Variants in DMGDH observed in about 807,000 individuals in gnomAD.
DMGDH encodes dimethylglycine dehydrogenase, mitochondrial.
A neutral mutation model predicts 95.2 loss-of-function variants in DMGDH; 76 were observed. The observed-to-expected ratio is 0.80, with a 90% CI of 0.66 to 0.97. The LOEUF (loss-of-function observed/expected upper bound fraction) is 0.97. Ranked by LOEUF, DMGDH falls within the 50% of genes least tolerant of loss-of-function variation. The probability of loss-of-function intolerance (pLI) is 0.00; values close to 1 mark genes in which losing one functional copy is unlikely to be tolerated. For missense variants in DMGDH, 987 were observed against 1,055.0 expected (o/e 0.94, Z 0.89); for synonymous variants, 345 against 377.6 (o/e 0.91, Z 1.00).
intron 4 of DMGDH, among the ~76,000 whole-genome samples, chr5:79,053,560 A>G (rs994630477): frequency 6.7e-6 from 1 of 149,874 alleles, no homozygotes; most frequent in African/African-American, 2.5e-5. Flanking sequence ...GAAATTATGC[A>G]TGTAAGGACT....
Position 79,020,789 on chromosome 5 carries a change from G to A in DMGDH, c.2250+3482C>T, listed in dbSNP as rs1251758950. On this transcript the variant is annotated intron_variant, in intron 14 of 15. Transcript: ENST00000255189. Reference sequence around the variant, plus strand: ...AGAAGGAGAGAGTGAGAAAAAGAGGGAGAAACATATTATAGAAAACAAATT... The same window carrying A: ...AGAAGGAGAGAGTGAGAAAAAGAGGAAGAAACATATTATAGAAAACAAATT... 13 of 985,030 alleles carry A rather than the reference G, an allele frequency of 1.3e-5. No individual in the cohort carries two copies. The South Asian group carries it at 3.3e-4, about 25-fold the overall frequency. The allele number at this position is 985,030 out of a possible 1,614,324, so 61.0% of individuals were successfully genotyped here.
chr5:79,030,968 C>T lies in DMGDH; in HGVS notation c.1548G>A (p.Glu516=), dbSNP rs753240801. Residue 516 remains glutamate (E), a synonymous_variant, in exon 10 of 16, where the codon GAG becomes GAA. Transcript: ENST00000255189. ...CCTGTTTATACTCCGAGCCCACAGG[C>T]TCAAACCAGTTTGTGCGGCGAAAAC... ...RPSFRRTNWF[E]PVGSEYKQVM... 1 of 1,613,480 alleles carries T rather than the reference C, an allele frequency of 6.2e-7. No homozygotes were observed. Among genetic ancestry groups the T allele is most frequent in the Non-Finnish European group, 8.5e-7 (1 of 1,179,768 alleles).
chr5:79,054,400 C>T, intron 3 of DMGDH, 52 bp from the exon 4 acceptor site: 2 of 1,568,958 alleles, frequency 1.3e-6, no homozygotes, highest in Non-Finnish European at 1.8e-6. Flanking sequence ...GTTTGGTACT[C>T]AAACATGGTT....
intron 4 of DMGDH, among the ~76,000 whole-genome samples, chr5:79,052,967 C>G (rs1248433226): frequency 1.3e-5 from 2 of 152,148 alleles, no homozygotes; most frequent in African/African-American, 4.8e-5. Flanking sequence ...GTTTCCCCAA[C>G]AGCCCCATCT....
intron 1 of DMGDH, among the ~76,000 whole-genome samples, chr5:79,064,908 C>A (rs1199708715): frequency 6.6e-6 from 1 of 152,162 alleles, no homozygotes; most frequent in Non-Finnish European, 1.5e-5. Flanking sequence ...CACCACCACA[C>A]CCAGCTAATT....
At chr5:79,041,975 G>C (rs1313937568) in intron 7 of DMGDH, among the ~76,000 whole-genome samples, 1 of 152,062 alleles carries the variant, frequency 6.6e-6, no homozygotes, top group African/African-American at 2.4e-5. Context: ...ACTCTAGCCT[G>C]GGCAACGAGA....
chr5:79,028,744 G>A, intron 11 of DMGDH, 94 bp from the exon 12 acceptor site: 1 of 1,398,476 alleles, frequency 7.2e-7, no homozygotes, highest in South Asian at 1.2e-5. Context: ...TGTGTCTAGA[G>A]TTATCAGAAA....
intron 1 of DMGDH, among the ~76,000 whole-genome samples, chr5:79,066,341 A>G (rs1755379516): frequency 6.6e-6 from 1 of 151,972 alleles, no homozygotes; most frequent in Admixed American, 6.6e-5. Context: ...GCTGGAGTGC[A>G]GTGGCACGAT....
At chr5:79,038,968 C>T (rs1319011999) in intron 7 of DMGDH, among the ~76,000 whole-genome samples, 3 of 151,762 alleles carry the variant, frequency 2.0e-5, no homozygotes, top group African/African-American at 7.3e-5. Context: ...TGCTCATCAT[C>T]ACTGGCCATC....
In DMGDH at chr5:79,054,175, G is replaced by A; in HGVS notation, c.540+9C>T. 1.9e-6 allele frequency: 3 copies of A among 1,613,278 alleles called. No homozygotes were observed. Among genetic ancestry groups the A allele is most frequent in the Non-Finnish European group, 2.5e-6 (3 of 1,179,818 alleles). ...CAACAAATGGTAAAAATGCCCTTAA[G>A]ATAAATACCTTATTCATGTTGAGTA... On this transcript the variant is annotated intron_variant, in intron 4 of 15. Coordinates refer to ENST00000255189, the MANE Select transcript of DMGDH (RefSeq NM_013391.3).
chr5:79,032,358 A>G (rs1161843776), intron 9 of DMGDH, among the ~76,000 whole-genome samples: 1 of 152,216 alleles, frequency 6.6e-6, no homozygotes, highest in Non-Finnish European at 1.5e-5. Context: ...TGAGCACCCT[A>G]AAGTACAGCA....
intron 14 of DMGDH, chr5:79,021,212 T>C (rs1487572484): frequency 5.0e-6 from 5 of 1,003,564 alleles, no homozygotes; most frequent in Non-Finnish European, 5.9e-6. Flanking sequence ...CAGTGTTGTA[T>C]GCGGCTGGAG....
At position 79,051,289 on chromosome 5, in the gene DMGDH, G is replaced by C; in HGVS notation, c.743C>G (p.Ala248Gly). 1 of 1,613,964 alleles carries C rather than the reference G, an allele frequency of 6.2e-7. No individual in the cohort carries two copies. Among genetic ancestry groups the C allele is most frequent in the Non-Finnish European group, 8.5e-7 (1 of 1,179,858 alleles). ...SMRANRIVNA[A>G]GFWAREVGKM... Reference sequence around the variant, plus strand: ...TTTCAAAAAAATGATATGCTTACCTGCAGCATTCACAATTCTATTTGCTCT... The same window carrying C: ...TTTCAAAAAAATGATATGCTTACCTCCAGCATTCACAATTCTATTTGCTCT... The change falls in exon 5 of 16, where the codon GCA (alanine) becomes GGA (glycine). Residue 248 changes from alanine (A) to glycine (G), a missense_variant and splice_region_variant. Ala to Gly is a moderately conservative substitution (Grantham distance 60). Transcript: ENST00000255189.
chr5:79,051,191 C>A, intron 5 of DMGDH, 96 bp downstream of exon 5: 1 of 1,330,288 alleles, frequency 7.5e-7, no homozygotes, highest in Non-Finnish European at 1.1e-6. Flanking sequence ...CATCACAGTG[C>A]TTCATGACAA....
chr5:79,021,730 G>C, intron 14 of DMGDH: 1 of 1,286,478 alleles, frequency 7.8e-7, no homozygotes, highest in South Asian at 1.2e-5. Flanking sequence ...TGGGGGAAGT[G>C]TCTATTAATA....
chr5:79,050,337 A>C (rs2112657910), intron 5 of DMGDH, among the ~76,000 whole-genome samples: 1 of 147,586 alleles, frequency 6.8e-6, no homozygotes, highest in South Asian at 2.1e-4. Flanking sequence ...AAGAATCATA[A>C]GGGTATGGGT....
intron 7 of DMGDH, among the ~76,000 whole-genome samples, chr5:79,037,755 T>C (rs540375932): frequency 2.4e-4 from 36 of 152,360 alleles, no homozygotes; most frequent in African/African-American, 7.9e-4. Flanking sequence ...TCAGTGACTC[T>C]ATCTGCTCAG....
chr5:79,030,057 A>G, intron 10 of DMGDH, 23 bp from the exon 11 acceptor site: 1 of 1,602,142 alleles, frequency 6.2e-7, no homozygotes. Flanking sequence ...ATTAAAAATT[A>G]CCTTAGGATG....
intron 11 of DMGDH, 66 bp from the exon 12 acceptor site, chr5:79,028,716 CT>C (rs1439066643): frequency 6.6e-7 from 1 of 1,510,980 alleles, no homozygotes; most frequent in Non-Finnish European, 9.2e-7. Flanking sequence ...AATAAATTAT[CT>C]CTCTGAAGAC....
Sources: allele counts gnomAD v4.1 joint callset (sites outside exome capture counted in the v4.1 genomes callset), GRCh38; gene constraint gnomAD v4.1.1; transcripts MANE v1.5; gene names NCBI Gene and HGNC (gene_info 2026-07-23, HGNC 2026-07-21).